Variants in ZNF385D observed in about 807,000 individuals in gnomAD.
ZNF385D encodes the protein zinc finger protein 659.
ZNF385D carries 15 observed loss-of-function variants against 35.8 expected under a neutral mutation model. The observed-to-expected ratio is 0.42, with a 90% CI of 0.28 to 0.64. The LOEUF (loss-of-function observed/expected upper bound fraction) is 0.64. ZNF385D is among the 30% of genes least tolerant of loss of function. The pLI is 0.23. For synonymous variants in ZNF385D, 212 were observed against 186.8 expected, an observed-to-expected ratio of 1.13 and a Z score of -1.10; for missense variants, 474 against 494.6, an observed-to-expected ratio of 0.96 and a Z score of 0.39.
At chr3:22,353,235 G>A (rs183704739) in intron 2 of ZNF385D, among the ~76,000 whole-genome samples, 1 of 152,196 alleles carries the variant, frequency 6.6e-6, no homozygotes, top group Admixed American at 6.5e-5. Context: ...CCCCCTATTA[G>A]AAAAATGGGG....
rs76170271 is a variant in ZNF385D at position 22,131,813 on chromosome 3, T to G, written c.325+37004A>C. On this transcript the variant is annotated intron_variant, in intron 3 of 5. Coordinates refer to the ZNF385D transcript ENST00000494108. Reference sequence around the variant, plus strand: ...ACAGATGAGAGAAAGCTATTAAACCTTAAGGGAAAGTATGAAAGAATCATC... The same window carrying G: ...ACAGATGAGAGAAAGCTATTAAACCGTAAGGGAAAGTATGAAAGAATCATC... 7.9e-5 allele frequency among the ~76,000 whole-genome samples: 12 copies of G among 152,224 alleles called. No homozygotes were observed. The East Asian group carries it at 2.3e-3, about 29-fold the overall frequency.
intron 3 of ZNF385D, among the ~76,000 whole-genome samples, chr3:22,061,140 A>C (rs1372165222): frequency 6.6e-6 from 1 of 151,494 alleles, no homozygotes; most frequent in East Asian, 2.0e-4. Flanking sequence ...TAAATTAAAT[A>C]GTTGCAAAGA....
At chr3:22,200,904 C>G (rs976500668) in intron 2 of ZNF385D, among the ~76,000 whole-genome samples, 4 of 152,144 alleles carry the variant, frequency 2.6e-5, no homozygotes, top group South Asian at 2.1e-4. Context: ...AAGGTTATCT[C>G]TCTTGTTCCC....
intron 3 of ZNF385D, among the ~76,000 whole-genome samples, chr3:22,069,338 G>A (rs76910638): frequency 2.0e-5 from 3 of 152,088 alleles, no homozygotes; most frequent in South Asian, 2.1e-4. Flanking sequence ...CAAGCTCCTG[G>A]TAGAATAAAA....
intron 2 of ZNF385D, among the ~76,000 whole-genome samples, chr3:22,304,562 T>C (rs1703099657): frequency 1.3e-5 from 2 of 152,186 alleles, no homozygotes; most frequent in South Asian, 4.1e-4. Flanking sequence ...ATTTTTAATA[T>C]CTTCTATGGT....
At chr3:21,793,046 A>C (rs776695365) in intron 3 of ZNF385D, among the ~76,000 whole-genome samples, 12 of 152,230 alleles carry the variant, frequency 7.9e-5, no homozygotes, top group Non-Finnish European at 1.5e-4. Flanking sequence ...TTAAGATTTC[A>C]GAACACATAG....
intron 3 of ZNF385D, among the ~76,000 whole-genome samples, chr3:21,924,431 C>T (rs1351918372): frequency 2.0e-5 from 3 of 152,174 alleles, no homozygotes; most frequent in African/African-American, 4.8e-5. Flanking sequence ...CCTCTTTAGT[C>T]AAGGGACAGA....
intron 3 of ZNF385D, among the ~76,000 whole-genome samples, chr3:21,942,141 T>G (rs770728251): frequency 1.1e-4 from 17 of 152,170 alleles, no homozygotes; most frequent in Non-Finnish European, 1.9e-4. Context: ...AACTGATAAG[T>G]TGTCAAAAAT....
rs1020945352 is a variant in ZNF385D, at chr3:21,646,218, T to C, written c.165+18668A>G. Among the ~76,000 whole-genome samples, 6 of 152,312 alleles carry C rather than the reference T, an allele frequency of 3.9e-5. No individual in the cohort carries two copies. The East Asian group carries it at 5.8e-4, about 15-fold the overall frequency. On this transcript the variant is annotated intron_variant, in intron 2 of 7. Coordinates refer to ENST00000281523, the MANE Select transcript of ZNF385D (RefSeq NM_024697.3). This position sits in a 1 kb window ranked among gnomAD's most constrained non-coding sequence, Gnocchi z 4.3. Reference sequence around the variant, plus strand: ...TGTCAAAACCGGCCATGTAAGTATATGCAATCATGGTTTTGATTATGGTTA... The same window carrying C: ...TGTCAAAACCGGCCATGTAAGTATACGCAATCATGGTTTTGATTATGGTTA...
intron 3 of ZNF385D, among the ~76,000 whole-genome samples, chr3:21,972,795 C>A (rs1376408643): frequency 6.6e-6 from 1 of 151,768 alleles, no homozygotes. Context: ...CTACTCTGAG[C>A]AACTATATGC....
chr3:22,311,298 G>A (rs986597901), intron 2 of ZNF385D, among the ~76,000 whole-genome samples: 2 of 151,782 alleles, frequency 1.3e-5, no homozygotes, highest in Non-Finnish European at 2.9e-5. Flanking sequence ...AACACAAAAC[G>A]GTAATTTGAT....
chr3:22,129,347 G>T (rs1293343072), intron 3 of ZNF385D, among the ~76,000 whole-genome samples: 1 of 152,138 alleles, frequency 6.6e-6, no homozygotes, highest in Admixed American at 6.6e-5. Flanking sequence ...TGCTGAGTTT[G>T]TTCAAGGCCC....
chr3:21,420,961 A>G lies in ZNF385D; in HGVS notation c.*253T>C. 2.1e-6 allele frequency: 1 copy of G among 469,468 alleles called. No homozygotes were observed. Among genetic ancestry groups the G allele is most frequent in the Non-Finnish European group, 3.9e-6 (1 of 259,486 alleles). 29.1% of individuals were successfully genotyped at this position (469,468 alleles called of 1,614,324 possible). ...CTTCAGAAGGTCTAGATACCACTAC[A>G]AATCAATGCTGGAGATCACTTCTAA... is the stretch of plus-strand genomic sequence containing the variant. On this transcript the variant is annotated 3_prime_UTR_variant, in exon 8 of 8. Coordinates refer to ENST00000281523, the MANE Select transcript of ZNF385D (RefSeq NM_024697.3).
At position 21,444,387 on chromosome 3, in the gene ZNF385D, GTTTT is replaced by G. The variant is rs137978112; in HGVS notation, c.440-7188_440-7185del. On this transcript the variant is annotated intron_variant, in intron 4 of 7. Coordinates refer to ENST00000281523, the MANE Select transcript of ZNF385D (RefSeq NM_024697.3). Reference sequence around the variant, plus strand: ...GAGCCACAGCACCCGGCCTTTTTTTGTTTTTTTTTTTTTTTGAGATGGAGCCTCA... The same window carrying G: ...GAGCCACAGCACCCGGCCTTTTTTTGTTTTTTTTTTTGAGATGGAGCCTCA... Among the ~76,000 whole-genome samples, 1,151 of 133,886 alleles carry G rather than the reference GTTTT, an allele frequency of 8.6e-3. 14 individuals carry two copies. Among genetic ancestry groups the G allele is most frequent in the African/African-American group, 0.029 (1,072 of 37,094 alleles). The allele number at this position is 133,886 out of a possible 152,430, so 87.8% of individuals were successfully genotyped here.
intron 3 of ZNF385D, among the ~76,000 whole-genome samples, chr3:21,780,095 A>T (rs1294997243): frequency 6.6e-6 from 1 of 151,960 alleles, no homozygotes; most frequent in African/African-American, 2.4e-5. Flanking sequence ...ACACAGAAAC[A>T]CACACAACCA....
intron 3 of ZNF385D, among the ~76,000 whole-genome samples, chr3:21,935,271 C>A (rs547371493): frequency 1.4e-4 from 21 of 152,224 alleles, no homozygotes; most frequent in African/African-American, 4.6e-4. Flanking sequence ...ATAAGAACAT[C>A]ATTTCAATAA....
chr3:21,701,892 C>T (rs1415024135), intron 1 of ZNF385D, among the ~76,000 whole-genome samples: 1 of 152,206 alleles, frequency 6.6e-6, no homozygotes, highest in Admixed American at 6.5e-5. Flanking sequence ...GGTTGGTTCT[C>T]ATGGTCTTGA....
chr3:21,990,972 A>G (rs998959779), intron 3 of ZNF385D, among the ~76,000 whole-genome samples: 1 of 152,224 alleles, frequency 6.6e-6, no homozygotes, highest in African/African-American at 2.4e-5. Context: ...CCAACAGTGC[A>G]CTGTACCAAG....
rs887641463 is a variant in ZNF385D, at chr3:22,069,710, G to A, written c.325+99107C>T. Among the ~76,000 whole-genome samples the A allele has an allele frequency of 5.3e-5, 8 of 152,050 alleles. No homozygotes were observed. In the East Asian group the frequency reaches 1.5e-3, roughly 29 times the overall value. Reference sequence around the variant, plus strand: ...TGAAGATGAAACTCAAGGATTCTGGGCCCTTTTTTAGATGTGAAGGTAATA... The same window carrying A: ...TGAAGATGAAACTCAAGGATTCTGGACCCTTTTTTAGATGTGAAGGTAATA... On this transcript the variant is annotated intron_variant, in intron 3 of 5. Transcript: ENST00000494108.
Sources: gnomAD v4.1 joint callset for allele counts (sites outside exome capture counted in the v4.1 genomes callset) on GRCh38, gnomAD v4.1.1 for gene constraint, Gnocchi (gnomAD v3.1) non-coding constraint, MANE v1.5 for transcripts, NCBI Gene and HGNC (gene_info 2026-07-23, HGNC 2026-07-21) for gene names.